The following SAP30BP variants were observed in gnomAD, a reference collection of about 807,000 sequenced individuals.
SAP30BP encodes the protein SAP30-binding protein.
A neutral mutation model predicts 46.3 loss-of-function variants in SAP30BP; 31 were observed. The ratio of observed to expected loss-of-function variants is 0.67; its 90% CI spans 0.50 to 0.90. The LOEUF is 0.90. SAP30BP is among the 40% of genes least tolerant of loss of function. SAP30BP has a pLI of 0.00. For missense variants in SAP30BP, 312 were observed against 391.0 expected, an observed-to-expected ratio of 0.80 and a Z score of 1.70; for synonymous variants, 169 against 144.2, an observed-to-expected ratio of 1.17 and a Z score of -1.23.
intron 5 of SAP30BP, 84 bp from the exon 6 acceptor site, chr17:75,702,396 A>G: frequency 4.9e-6 from 3 of 607,692 alleles, no homozygotes; most frequent in South Asian, 2.1e-5. Flanking sequence ...CATGCTGCAC[A>G]TGTAGCTGGT....
chr17:75,668,522 A>G lies in SAP30BP; in HGVS notation c.113A>G (p.Lys38Arg), dbSNP rs199944352. 3.7e-5 allele frequency: 58 copies of G among 1,555,952 alleles called. No homozygotes were observed. The highest frequency in any genetic ancestry group is 4.9e-5 in the Non-Finnish European group (56 of 1,153,984). ...IEAVGSAAEE[K>R]GGLVSDAYGE... ...TTGTTTTTTAACCTTTCAGAGGAGA[A>G]AGGCGGATTGGTATCTGATGCCTAT... is the stretch of plus-strand genomic sequence containing the variant. The change falls in exon 2 of 11, where the codon AAA becomes AGA. Residue 38 changes from lysine (K) to arginine (R), a missense_variant. By Grantham distance (26) the Lys-to-Arg change is conservative. Transcript: ENST00000584667.
intron 8 of SAP30BP, 21 bp from the exon 9 acceptor site, chr17:75,704,735 C>T: frequency 6.2e-7 from 1 of 1,608,424 alleles, no homozygotes; most frequent in East Asian, 2.2e-5. Flanking sequence ...ACCTTTGTAA[C>T]AGCTTCTCTT....
chr17:75,686,222 C>T (rs1245881463), intron 3 of SAP30BP, among the ~76,000 whole-genome samples: 2 of 152,178 alleles, frequency 1.3e-5, no homozygotes, highest in Admixed American at 1.3e-4. Context: ...CCTATAGAAA[C>T]CTTCTGTGGT....
intron 4 of SAP30BP, among the ~76,000 whole-genome samples, chr17:75,694,262 G>A (rs2060281711): frequency 2.0e-5 from 3 of 152,164 alleles, no homozygotes; most frequent in Admixed American, 6.5e-5. Flanking sequence ...ACCTGGAAGC[G>A]CTGCCCCAGT....
intron 2 of SAP30BP, among the ~76,000 whole-genome samples, chr17:75,668,959 A>T (rs2059861897): frequency 6.6e-6 from 1 of 152,154 alleles, no homozygotes. Context: ...TAACTGGTGT[A>T]TCATTTATAT....
chr17:75,675,216 T>A (rs571445234), intron 3 of SAP30BP, among the ~76,000 whole-genome samples: 1 of 152,302 alleles, frequency 6.6e-6, no homozygotes, highest in Admixed American at 6.5e-5. Flanking sequence ...AATGGCGCAA[T>A]CTCAGCTCAC....
chr17:75,697,892 G>T (rs934426807), intron 4 of SAP30BP, among the ~76,000 whole-genome samples: 1 of 152,178 alleles, frequency 6.6e-6, no homozygotes, highest in Non-Finnish European at 1.5e-5. Context: ...GAGGAGAAGG[G>T]GCTGGCTGTG....
At chr17:75,693,997 C>G (rs1386000317) in intron 4 of SAP30BP, among the ~76,000 whole-genome samples, 1 of 152,162 alleles carries the variant, frequency 6.6e-6, no homozygotes, top group East Asian at 1.9e-4. Flanking sequence ...TCATCCAAGT[C>G]CTGTGCTAGC....
rs767048583 is a variant in SAP30BP, at chr17:75,703,386, C to T, written c.549+15C>T. The T allele has an allele frequency of 5.0e-6, 8 of 1,612,314 alleles. No individual in the cohort carries two copies. In the African/African-American group the frequency reaches 5.3e-5, roughly 11 times the overall value. ...ACTACCCAAAGGTGCGTCTGGCACA[C>T]GGGGCTGGAGGGTGATGGGGACACC... On this transcript the variant is annotated intron_variant, in intron 7 of 10. Coordinates refer to ENST00000584667, the MANE Select transcript of SAP30BP (RefSeq NM_013260.8).
intron 7 of SAP30BP, 176 bp from the exon 8 acceptor site, chr17:75,703,632 T>A: frequency 1.5e-6 from 1 of 667,296 alleles, no homozygotes; most frequent in Non-Finnish European, 2.7e-6. Flanking sequence ...GGATGGGGGC[T>A]TCGTGCTCCC....
intron 9 of SAP30BP, 187 bp downstream of exon 9, chr17:75,705,001 T>G: frequency 1.7e-6 from 1 of 591,294 alleles, no homozygotes; most frequent in East Asian, 2.9e-5. Context: ...GCTCGTCTGC[T>G]GCTTTTGCCC....
intron 2 of SAP30BP, among the ~76,000 whole-genome samples, chr17:75,670,789 A>G (rs767845685): frequency 5.3e-5 from 8 of 152,362 alleles, no homozygotes; most frequent in Non-Finnish European, 8.8e-5. Flanking sequence ...TCTCCAAATC[A>G]TGAGTCTAGT....
chr17:75,667,440 A>G lies in SAP30BP; in HGVS notation c.68A>G (p.Asp23Gly), dbSNP rs1568292556. The part of the protein sequence containing the change: ...VYAEDSEPES[D>G]GEAGIEAVGS... The stretch of plus-strand genomic sequence containing the variant: ...GCGGAAGATTCAGAGCCCGAGTCTG[A>G]TGGCGAGGCTGGAATCGAGGCGGTG... The change falls in exon 1 of 11, where the codon GAT becomes GGT. Residue 23 changes from aspartate to glycine, a missense_variant. Around this residue, in one of 2 missense-constraint regions of SAP30BP, gnomAD observed 296 missense variants for 346.6 expected, o/e 0.85. Transcript: ENST00000584667. 1 of 1,614,170 alleles carries G rather than the reference A, an allele frequency of 6.2e-7. No homozygotes were observed. Among genetic ancestry groups the G allele is most frequent in the Admixed American group, 1.7e-5 (1 of 60,024 alleles).
intron 8 of SAP30BP, 108 bp from the exon 9 acceptor site, chr17:75,704,648 C>T: frequency 1.2e-6 from 1 of 830,818 alleles, no homozygotes; most frequent in Non-Finnish European, 2.1e-6. Flanking sequence ...AACACTGAGC[C>T]CATGAAGGCC....
chr17:75,688,999 G>A (rs1227218441), intron 3 of SAP30BP, among the ~76,000 whole-genome samples: 2 of 152,162 alleles, frequency 1.3e-5, no homozygotes, highest in Non-Finnish European at 2.9e-5. Context: ...TTTAGTCTCA[G>A]GTGGGGTCTG....
At chr17:75,691,521 G>T (rs1213061333) in intron 3 of SAP30BP, 1 of 453,498 alleles carries the variant, frequency 2.2e-6, no homozygotes, top group Non-Finnish European at 4.4e-6. Context: ...ACCTAAGGAG[G>T]CCCTGAAGTG....
chr17:75,681,610 A>G (rs2060077717), intron 3 of SAP30BP, among the ~76,000 whole-genome samples: 2 of 152,222 alleles, frequency 1.3e-5, no homozygotes, highest in African/African-American at 4.8e-5. Flanking sequence ...TGCTGATTAT[A>G]GGAAGAACTT....
At chr17:75,679,656 G>A (rs897557254) in intron 3 of SAP30BP, 9 of 152,336 alleles carry the variant, frequency 5.9e-5, no homozygotes, top group African/African-American at 1.9e-4. Context: ...CCAAACTAGC[G>A]AACAGGAGAT....
At chr17:75,674,682 T>TTTTG (rs1274872775) in intron 3 of SAP30BP, among the ~76,000 whole-genome samples, 7 of 142,830 alleles carry the variant, frequency 4.9e-5, no homozygotes, top group East Asian at 2.0e-4. Flanking sequence ...TATGAAGTTT[T>TTTTG]TTTGTTTGTT....
Sources: allele counts gnomAD v4.1 joint callset (sites outside exome capture counted in the v4.1 genomes callset), GRCh38; gene constraint gnomAD v4.1.1; regional missense constraint gnomAD v4.1.1; transcripts MANE v1.5; gene names NCBI Gene and HGNC (gene_info 2026-07-23, HGNC 2026-07-21).